The following CHN1 variants were observed in gnomAD, a reference collection of about 807,000 sequenced individuals.
CHN1 encodes the protein N-chimaerin.
Under a neutral mutation model 59.5 loss-of-function variants are expected in CHN1, and 37 were observed. The observed-to-expected ratio is 0.62, with a 90% CI of 0.48 to 0.82. CHN1 has a LOEUF of 0.82. Ranked by LOEUF, CHN1 falls within the 40% of genes least tolerant of loss-of-function variation. The pLI is 0.00. For missense variants in CHN1, 469 were observed against 571.0 expected (o/e 0.82, Z 1.82); for synonymous variants, 206 against 200.4 (o/e 1.03, Z -0.24).
intron 1 of CHN1, among the ~76,000 whole-genome samples, chr2:174,995,354 T>A (rs762585034): frequency 5.3e-5 from 8 of 152,208 alleles, no homozygotes; most frequent in Non-Finnish European, 1.0e-4. Flanking sequence ...CTGAGCAGCA[T>A]GATGAAATCT....
chr2:174,962,761 T>C (rs1338610877), intron 1 of CHN1, among the ~76,000 whole-genome samples: 1 of 139,624 alleles, frequency 7.2e-6, no homozygotes. Flanking sequence ...AATACAAAAA[T>C]TAGCCGGGCA....
chr2:174,843,684 GT>G (rs1393172304), intron 7 of CHN1, among the ~76,000 whole-genome samples: 1 of 150,250 alleles, frequency 6.7e-6, no homozygotes, highest in Non-Finnish European at 1.5e-5. Flanking sequence ...ATAAATAAAT[GT>G]CAGTATAGAT....
intron 7 of CHN1, among the ~76,000 whole-genome samples, chr2:174,843,050 C>G (rs970346888): frequency 2.6e-5 from 4 of 152,022 alleles, no homozygotes; most frequent in African/African-American, 9.7e-5. Context: ...CTTAATTTGC[C>G]TAAGTAGCCT....
At chr2:174,983,740 A>G (rs1691241098) in intron 1 of CHN1, among the ~76,000 whole-genome samples, 1 of 152,196 alleles carries the variant, frequency 6.6e-6, no homozygotes, top group African/African-American at 2.4e-5. Context: ...AAGCAGGAGA[A>G]TTAGTTGAAC....
chr2:174,846,373 A>G (rs1686515468), intron 7 of CHN1: 6 of 1,548,512 alleles, frequency 3.9e-6, no homozygotes, highest in African/African-American at 1.4e-5. Context: ...CAGCATCAAC[A>G]GTCCCATGGT....
At chr2:174,860,524 CATAA>C (rs1440635007) in intron 6 of CHN1, among the ~76,000 whole-genome samples, 3 of 152,058 alleles carry the variant, frequency 2.0e-5, no homozygotes, top group African/African-American at 7.2e-5. Context: ...ACTAAGTGCT[CATAA>C]ATAGTTTTCA....
intron 1 of CHN1, among the ~76,000 whole-genome samples, 197 bp downstream of exon 1, chr2:175,004,697 C>T (rs1692002631): frequency 6.6e-6 from 1 of 152,010 alleles, no homozygotes; most frequent in South Asian, 2.1e-4. Context: ...CGCCCATCGG[C>T]CCTGCCGGGA....
At chr2:174,978,006 T>G (rs1290547966) in intron 1 of CHN1, among the ~76,000 whole-genome samples, 1 of 152,132 alleles carries the variant, frequency 6.6e-6, no homozygotes, top group Non-Finnish European at 1.5e-5. Flanking sequence ...AAAATAAAAG[T>G]AATGAAATGT....
chr2:174,799,886 T>C lies in CHN1; in HGVS notation c.*230A>G, dbSNP rs543935672. The C allele has an allele frequency of 1.6e-6, 1 of 628,220 alleles. No individual in the cohort carries two copies. The highest frequency in any genetic ancestry group is 1.8e-5 in the African/African-American group (1 of 56,076). 38.9% of individuals were successfully genotyped at this position (628,220 alleles called of 1,614,324 possible). ...GGGGCTAATCATGCAATAGCTTGAG[T>C]TTCTCTGAACGTGATAAACACCCAG... On this transcript the variant is annotated 3_prime_UTR_variant, in exon 13 of 13. Coordinates refer to ENST00000409900, the MANE Select transcript of CHN1 (RefSeq NM_001822.7).
chr2:174,884,659 A>C lies in CHN1; in HGVS notation c.261-6531T>G, dbSNP rs1451021340. On this transcript the variant is annotated intron_variant, in intron 5 of 12. Coordinates refer to ENST00000409900, the MANE Select transcript of CHN1 (RefSeq NM_001822.7). The stretch of plus-strand genomic sequence containing the variant: ...ATTATATGTACCAGCATATATATAC[A>C]TCTGGCAGCAACATCCATAAATGGC... Among the ~76,000 whole-genome samples, 5 of 152,318 alleles carry C rather than the reference A, an allele frequency of 3.3e-5. No homozygotes were observed. In the South Asian group the frequency reaches 6.2e-4, roughly 19 times the overall value.
chr2:174,960,736 C>T (rs1690370766), intron 1 of CHN1, among the ~76,000 whole-genome samples: 1 of 151,970 alleles, frequency 6.6e-6, no homozygotes, highest in Non-Finnish European at 1.5e-5. Context: ...GTAGGAGAAT[C>T]GTTTGAACCC....
chr2:174,923,602 G>GT (rs913687552), intron 3 of CHN1, among the ~76,000 whole-genome samples: 33 of 152,250 alleles, frequency 2.2e-4, no homozygotes, highest in African/African-American at 3.6e-4. Context: ...TTAAAGGAGA[G>GT]TTTTTTAAAA....
chr2:174,875,819 T>C, intron 6 of CHN1: 1 of 985,668 alleles, frequency 1.0e-6, no homozygotes, highest in Non-Finnish European at 1.2e-6. Flanking sequence ...GGAATCAACG[T>C]TTCAAGCTGT....
chr2:174,951,794 T>G (rs1363755261), intron 2 of CHN1, among the ~76,000 whole-genome samples: 2 of 152,180 alleles, frequency 1.3e-5, no homozygotes, highest in African/African-American at 4.8e-5. Flanking sequence ...CCTCCTGAAT[T>G]ATTGTCATTT....
At chr2:174,943,259 T>C (rs1689725617) in intron 3 of CHN1, among the ~76,000 whole-genome samples, 1 of 151,778 alleles carries the variant, frequency 6.6e-6, no homozygotes, top group African/African-American at 2.4e-5. Flanking sequence ...TGGAGTCTTG[T>C]TCTGTTGCCC....
In CHN1 at chr2:174,978,397, G is replaced by C. The variant is rs1473125178; in HGVS notation, c.20-26195C>G. Among the ~76,000 whole-genome samples the C allele has an allele frequency of 2.6e-5, 4 of 152,296 alleles. No homozygotes were observed. In the East Asian group the frequency reaches 7.7e-4, roughly 29 times the overall value. ...CTGCTAGATAATTTGCAAGCCCCTT[G>C]TTCAAAAATTATTAAAAATTTCAAA... On this transcript the variant is annotated intron_variant, in intron 1 of 12. Transcript: ENST00000409900.
At chr2:174,928,349 G>A (rs988509140) in intron 3 of CHN1, among the ~76,000 whole-genome samples, 3 of 152,160 alleles carry the variant, frequency 2.0e-5, no homozygotes, top group Admixed American at 2.0e-4. Flanking sequence ...TTAAGATACA[G>A]TTACATTTAA....
At chr2:174,992,280 C>G (rs1691568003) in intron 1 of CHN1, among the ~76,000 whole-genome samples, 1 of 152,160 alleles carries the variant, frequency 6.6e-6, no homozygotes, top group Non-Finnish European at 1.5e-5. Flanking sequence ...CCAGATAGAG[C>G]TGTGGAGTGT....
At position 174,952,174 on chromosome 2, in the gene CHN1, C is replaced by A. The variant is rs867270931; in HGVS notation, c.48G>T (p.Trp16Cys). ...FDTDEYRPPV[W>C]KSYLYQLQQE... ...TATTTGTAGACTTACAGTAAGATTT[C>A]CAAACAGGAGGTCTATATTCATCTG... The change falls in exon 2 of 13, where the codon TGG (tryptophan) becomes TGT (cysteine). Residue 16 changes from tryptophan to cysteine, a missense_variant. By Grantham distance (215) the Trp-to-Cys change is radical (BLOSUM62 -2). Transcript: ENST00000409900. 1 of 1,449,894 alleles carries A rather than the reference C, an allele frequency of 6.9e-7. No individual in the cohort carries two copies. Among genetic ancestry groups the A allele is most frequent in the Non-Finnish European group, 9.1e-7 (1 of 1,096,492 alleles). 89.8% of individuals were successfully genotyped at this position (1,449,894 alleles called of 1,614,324 possible).
Sources: allele counts gnomAD v4.1 joint callset (sites outside exome capture counted in the v4.1 genomes callset), GRCh38; gene constraint gnomAD v4.1.1; transcripts MANE v1.5; gene names NCBI Gene and HGNC (gene_info 2026-07-23, HGNC 2026-07-21).